KATNAL2: variants seen among roughly 807,000 people sequenced by gnomAD.
KATNAL2 encodes katanin p60 ATPase-containing subunit A-like 2.
Under a neutral mutation model 76.3 loss-of-function variants are expected in KATNAL2, and 52 were observed. The observed-to-expected ratio is 0.68, with a 90% CI of 0.55 to 0.86. KATNAL2 has a LOEUF of 0.86. Ranked by LOEUF, KATNAL2 falls within the 40% of genes least tolerant of loss-of-function variation. The pLI is 0.00. For missense variants in KATNAL2, 660 were observed against 668.9 expected (o/e 0.99, Z 0.15); for synonymous variants, 243 against 244.2 (o/e 1.00, Z 0.05).
chr18:47,034,686 G>A (rs372494802), intron 3 of KATNAL2: 12 of 1,613,186 alleles, frequency 7.4e-6, no homozygotes, highest in Non-Finnish European at 1.0e-5. Flanking sequence ...GGCCTCTTCC[G>A]GGTTGCTTCC....
chr18:47,097,527 T>G (rs2063301792), intron 15 of KATNAL2, among the ~76,000 whole-genome samples: 1 of 152,210 alleles, frequency 6.6e-6, no homozygotes, highest in African/African-American at 2.4e-5. Flanking sequence ...ACCAGTTTCA[T>G]GTATCACAAG....
At chr18:47,078,691 A>G (rs1239703330) in intron 15 of KATNAL2, among the ~76,000 whole-genome samples, 1 of 152,202 alleles carries the variant, frequency 6.6e-6, no homozygotes, top group African/African-American at 2.4e-5. Flanking sequence ...GGAGACCTAC[A>G]TATTTTCTGG....
intron 10 of KATNAL2, among the ~76,000 whole-genome samples, chr18:47,065,030 TAAG>T (rs2061746639): frequency 6.6e-6 from 1 of 152,172 alleles, no homozygotes; most frequent in Admixed American, 6.5e-5. Context: ...AGGACGGTAA[TAAG>T]AATGTGAGTG....
intron 14 of KATNAL2, chr18:47,076,550 A>G (rs1290046476): frequency 6.6e-6 from 1 of 152,278 alleles, no homozygotes; most frequent in East Asian, 1.9e-4. Context: ...GCTAATGTGA[A>G]GACTCTTCAT....
chr18:47,059,821 G>A lies in KATNAL2; in HGVS notation c.549+167G>A, dbSNP rs539822262. ...GCGTCAGAAAATGGGTTCTTCTTTGGAATCTCCTTTCTGAATGAATGGGCT... is the reference window on the plus strand; with the variant it reads ...GCGTCAGAAAATGGGTTCTTCTTTGAAATCTCCTTTCTGAATGAATGGGCT... On this transcript the variant is annotated intron_variant, in intron 8 of 17. Transcript: ENST00000683218. Among the ~76,000 whole-genome samples, 3 of 152,106 alleles carry A rather than the reference G, an allele frequency of 2.0e-5. No individual in the cohort carries two copies. The East Asian group carries it at 5.8e-4, about 29-fold the overall frequency.
intron 6 of KATNAL2, among the ~76,000 whole-genome samples, chr18:47,056,981 A>T (rs1350178359): frequency 6.6e-6 from 1 of 151,934 alleles, no homozygotes; most frequent in African/African-American, 2.4e-5. Context: ...TCTTATTCCT[A>T]GTTTAAAGAT....
intron 3 of KATNAL2, among the ~76,000 whole-genome samples, chr18:46,959,262 T>G (rs897905728): frequency 2.6e-5 from 4 of 152,156 alleles, no homozygotes; most frequent in African/African-American, 9.7e-5. Flanking sequence ...AACTCTTACG[T>G]TTTAAGTGCT....
chr18:46,919,226 C>T (rs2058368791), intron 1 of KATNAL2, among the ~76,000 whole-genome samples: 1 of 151,960 alleles, frequency 6.6e-6, no homozygotes, highest in South Asian at 2.1e-4. Context: ...GTGGCCCACG[C>T]TCTAAATTCC....
chr18:47,042,443 A>G (rs976536468), intron 3 of KATNAL2, among the ~76,000 whole-genome samples: 1 of 152,222 alleles, frequency 6.6e-6, no homozygotes, highest in South Asian at 2.1e-4. Context: ...TTGGATGGAT[A>G]TGTTTATAAA....
Position 47,042,300 on chromosome 18 carries a change from A to G in KATNAL2, c.52-4157A>G, listed in dbSNP as rs139504635. Among the ~76,000 whole-genome samples, 86 of 152,352 alleles carry G rather than the reference A, an allele frequency of 5.6e-4. No individual in the cohort carries two copies. The East Asian group carries it at 0.014, about 26-fold the overall frequency. ...TTTTGAATGGCAGAGAGCAAAATCGATCAAACAAGTAGTACTTACTATGCT... is the reference window on the plus strand; with the variant it reads ...TTTTGAATGGCAGAGAGCAAAATCGGTCAAACAAGTAGTACTTACTATGCT... On this transcript the variant is annotated intron_variant, in intron 3 of 17. Coordinates refer to ENST00000683218, the MANE Select transcript of KATNAL2 (RefSeq NM_001387690.1).
At chr18:47,080,087 A>G (rs2062436495) in intron 15 of KATNAL2, among the ~76,000 whole-genome samples, 1 of 152,182 alleles carries the variant, frequency 6.6e-6, no homozygotes, top group Non-Finnish European at 1.5e-5. Context: ...TATTCTTGAT[A>G]ACAGAACTTT....
intron 3 of KATNAL2, among the ~76,000 whole-genome samples, chr18:47,044,191 G>A (rs985552158): frequency 3.4e-4 from 52 of 151,786 alleles, no homozygotes; most frequent in African/African-American, 1.2e-3. Context: ...TAACACTAAT[G>A]ATAGCTGATG....
intron 15 of KATNAL2, among the ~76,000 whole-genome samples, chr18:47,092,120 A>C (rs2063026830): frequency 6.6e-6 from 1 of 152,160 alleles, no homozygotes; most frequent in Non-Finnish European, 1.5e-5. Context: ...AGGCATAGCA[A>C]TGACTATACA....
chr18:47,094,709 G>A (rs1393949746), intron 15 of KATNAL2, among the ~76,000 whole-genome samples: 3 of 152,162 alleles, frequency 2.0e-5, no homozygotes, highest in Non-Finnish European at 4.4e-5. Flanking sequence ...GCCAAGTGAC[G>A]ATTCTTGCAA....
intron 1 of KATNAL2, among the ~76,000 whole-genome samples, chr18:46,939,241 G>A (rs1450338439): frequency 6.6e-6 from 1 of 151,888 alleles, no homozygotes; most frequent in Non-Finnish European, 1.5e-5. Flanking sequence ...GTCTGAGGCA[G>A]GAGAATTGTT....
chr18:46,918,485 G>A (rs899865010), intron 1 of KATNAL2, among the ~76,000 whole-genome samples: 1 of 152,058 alleles, frequency 6.6e-6, no homozygotes. Flanking sequence ...ACGGAGTTTT[G>A]CTCTTGTTGC....
At chr18:47,031,475 A>T (rs900782193) in intron 3 of KATNAL2, among the ~76,000 whole-genome samples, 105 of 152,090 alleles carry the variant, frequency 6.9e-4, no homozygotes, top group Non-Finnish European at 1.2e-3. Flanking sequence ...GCAGAAAGAA[A>T]ATCATTATGC....
At chr18:47,049,495 G>A (rs562579743) in intron 4 of KATNAL2, among the ~76,000 whole-genome samples, 2 of 152,306 alleles carry the variant, frequency 1.3e-5, no homozygotes, top group East Asian at 3.9e-4. Context: ...TTCTGAGTGT[G>A]TGCAGCACTT....
At chr18:46,962,116 C>CCTGCAG (rs1476740764) in intron 3 of KATNAL2, among the ~76,000 whole-genome samples, 2 of 150,602 alleles carry the variant, frequency 1.3e-5, no homozygotes, top group East Asian at 2.0e-4. Context: ...GATTTTGGCT[C>CCTGCAG]AGCCCTCTAA....
Sources: gnomAD v4.1 joint callset for allele counts (sites outside exome capture counted in the v4.1 genomes callset) on GRCh38, gnomAD v4.1.1 for gene constraint, MANE v1.5 for transcripts, NCBI Gene and HGNC (gene_info 2026-07-23, HGNC 2026-07-21) for gene names.